The following G3BP2 variants were observed in gnomAD, a reference collection of about 807,000 sequenced individuals.
G3BP2 encodes the protein ras GTPase-activating protein-binding protein 2.
Under a neutral mutation model 56.7 loss-of-function variants are expected in G3BP2, and 11 were observed. That is an observed-to-expected ratio of 0.19 (90% CI 0.12 to 0.32). The LOEUF (loss-of-function observed/expected upper bound fraction) is 0.32. G3BP2 is among the 10% of genes least tolerant of loss of function. G3BP2 has a pLI of 1.00. For synonymous variants in G3BP2, 165 were observed against 191.6 expected (o/e 0.86, Z 1.15); for missense variants, 340 against 610.9 (o/e 0.56, Z 4.67).
chr4:75,673,030 A>C, intron 1 of G3BP2, 178 bp downstream of exon 1: 1 of 990,482 alleles, frequency 1.0e-6, no homozygotes, highest in Non-Finnish European at 1.2e-6. Context: ...TAGAGGAAAG[A>C]CTGGTCTTCT....
chr4:75,663,108 C>T (rs1275593956), intron 1 of G3BP2, among the ~76,000 whole-genome samples: 1 of 152,112 alleles, frequency 6.6e-6, no homozygotes, highest in Non-Finnish European at 1.5e-5. Flanking sequence ...CTCTAGTGAA[C>T]AAGATAAGTC....
In G3BP2 at chr4:75,661,915, T is replaced by C. The variant is rs150691280; in HGVS notation, c.95+16A>G. On this transcript the variant is annotated intron_variant, in intron 2 of 11. Coordinates refer to ENST00000359707, the MANE Select transcript of G3BP2 (RefSeq NM_203505.3). ...AAAAGTAGATAAAAATACCAAATTA[T>C]TTGTTTAAAATTTACCTGTGTAAAT... 4.8e-3 allele frequency: 6,303 copies of C among 1,300,710 alleles called. 38 individuals are homozygous for C. Among genetic ancestry groups the C allele is most frequent in the South Asian group, 0.013 (1,062 of 83,120 alleles). The allele number at this position is 1,300,710 out of a possible 1,614,324, so 80.6% of individuals were successfully genotyped here. A position where few individuals can be genotyped will look rare whatever the true frequency, so the allele number is the denominator to read the frequency against.
At chr4:75,711,312 C>G (rs1195395229) in intron 3 of G3BP2, among the ~76,000 whole-genome samples, 2 of 148,862 alleles carry the variant, frequency 1.3e-5, no homozygotes, top group Admixed American at 6.7e-5. Flanking sequence ...GAGTGAGACC[C>G]CATCTCAAAG....
At chr4:75,711,330 A>C (rs1331099000) in intron 3 of G3BP2, among the ~76,000 whole-genome samples, 2 of 151,250 alleles carry the variant, frequency 1.3e-5, no homozygotes, top group African/African-American at 4.9e-5. Context: ...AAGAAAAAAA[A>C]AAAAAAAGAC....
At chr4:75,718,133 G>A (rs534016349) in intron 3 of G3BP2, among the ~76,000 whole-genome samples, 50 of 116,150 alleles carry the variant, frequency 4.3e-4, no homozygotes, top group Non-Finnish European at 6.2e-4. Context: ...AGACTCCGTC[G>A]CAAAAAAAAA....
At chr4:75,702,406 G>A (rs192340962) in intron 3 of G3BP2, among the ~76,000 whole-genome samples, 138 of 152,302 alleles carry the variant, frequency 9.1e-4, no homozygotes, top group African/African-American at 3.2e-3. Context: ...GTCTCCCAAA[G>A]TGCTGGGATT....
At chr4:75,716,539 G>A (rs1012965745) in intron 3 of G3BP2, among the ~76,000 whole-genome samples, 6 of 148,290 alleles carry the variant, frequency 4.0e-5, no homozygotes, top group African/African-American at 1.5e-4. Flanking sequence ...TTTGGAGACA[G>A]AGTTTCCCTC....
intron 3 of G3BP2, among the ~76,000 whole-genome samples, chr4:75,708,532 G>A (rs1018527198): frequency 1.3e-5 from 2 of 152,248 alleles, no homozygotes; most frequent in African/African-American, 4.8e-5. Flanking sequence ...CAGCCTTAAA[G>A]GGGGAAGCAG....
At position 75,698,037 on chromosome 4, in the gene G3BP2, C is replaced by A. The variant is rs372644819; in HGVS notation, c.-25+22840G>T. Among the ~76,000 whole-genome samples the A allele has an allele frequency of 5.9e-5, 9 of 152,322 alleles. No homozygotes were observed. In the East Asian group the frequency reaches 1.7e-3, roughly 29 times the overall value. ...ACTCAACTTCACTAATTGTAGAAGACAGAATAATGGCCCTCCCAAAGGTGT... is the reference window on the plus strand; with the variant it reads ...ACTCAACTTCACTAATTGTAGAAGAAAGAATAATGGCCCTCCCAAAGGTGT... On this transcript the variant is annotated intron_variant, in intron 3 of 3. Transcript: ENST00000499709.
chr4:75,694,726 G>C, intron 3 of G3BP2: 1 of 981,370 alleles, frequency 1.0e-6, no homozygotes, highest in Non-Finnish European at 1.2e-6. Flanking sequence ...CAACAAGAGC[G>C]AGACTCTGTC....
chr4:75,692,318 CT>C (rs563063599), intron 3 of G3BP2, among the ~76,000 whole-genome samples: 47 of 145,880 alleles, frequency 3.2e-4, no homozygotes, highest in South Asian at 4.4e-4. Flanking sequence ...CCTGTCAGTT[CT>C]TTTTTTTTTT....
Position 75,720,973 on chromosome 4 carries a change from C to CAAA in G3BP2, c.-117-7_-117-5dup, listed in dbSNP as rs143804378. ...GTAACATAGCAAGACTTCATCTCTA[C>CAAA]AAAAAAAAAAAAAAAAAAAAAATTA... is the stretch of plus-strand genomic sequence containing the variant. On this transcript the variant is annotated splice_polypyrimidine_tract_variant and splice_region_variant and intron_variant, in intron 2 of 3. Coordinates refer to the G3BP2 transcript ENST00000499709. 4.2e-3 allele frequency among the ~76,000 whole-genome samples: 291 copies of CAAA among 69,426 alleles called. 7 individuals carry two copies. Among genetic ancestry groups the CAAA allele is most frequent in the African/African-American group, 7.1e-3 (164 of 23,200 alleles). 45.5% of individuals were successfully genotyped at this position (69,426 alleles called of 152,430 possible).
chr4:75,665,725 G>T (rs76419094), intron 1 of G3BP2, among the ~76,000 whole-genome samples: 23,821 of 151,236 alleles, frequency 0.16, 1,962 homozygotes, highest in South Asian at 0.35. Context: ...AATGAGGGTG[G>T]GTAAAGAACA....
At chr4:75,707,084 C>A (rs1719573937) in intron 3 of G3BP2, among the ~76,000 whole-genome samples, 1 of 148,136 alleles carries the variant, frequency 6.8e-6, no homozygotes, top group Non-Finnish European at 1.5e-5. Flanking sequence ...CCCAGCTACT[C>A]GGGAGGCTGG....
intron 3 of G3BP2, among the ~76,000 whole-genome samples, chr4:75,682,251 C>A (rs548581116): frequency 6.6e-6 from 1 of 152,046 alleles, no homozygotes; most frequent in South Asian, 2.1e-4. Context: ...CCCGTCTCTA[C>A]TAAAAATACA....
At chr4:75,657,801 C>A in intron 3 of G3BP2, 71 bp from the exon 4 acceptor site, 2 of 937,420 alleles carry the variant, frequency 2.1e-6, no homozygotes, top group South Asian at 1.6e-5. Context: ...TATTACCTAC[C>A]CTCATTGATT....
chr4:75,711,738 A>G (rs1286318246), intron 3 of G3BP2, among the ~76,000 whole-genome samples: 1 of 152,018 alleles, frequency 6.6e-6, no homozygotes, highest in Admixed American at 6.6e-5. Flanking sequence ...ATAATATAAT[A>G]TAAAGGAAAG....
At chr4:75,715,396 G>A (rs755699998) in intron 3 of G3BP2, among the ~76,000 whole-genome samples, 16 of 152,102 alleles carry the variant, frequency 1.1e-4, no homozygotes, top group Non-Finnish European at 2.4e-4. Context: ...TCTCACACTC[G>A]ATCCTCACTG....
At chr4:75,688,738 T>A (rs1718726163) in intron 3 of G3BP2, among the ~76,000 whole-genome samples, 5 of 152,312 alleles carry the variant, frequency 3.3e-5, no homozygotes, top group Admixed American at 3.3e-4. Context: ...AGGGAACAGA[T>A]TTCTGTAAAA....
Sources: allele counts gnomAD v4.1 joint callset (sites outside exome capture counted in the v4.1 genomes callset), GRCh38; gene constraint gnomAD v4.1.1; transcripts MANE v1.5; gene names NCBI Gene and HGNC (gene_info 2026-07-23, HGNC 2026-07-21).